Variants in TMEM232 observed in about 807,000 individuals in gnomAD.
TMEM232 encodes transmembrane protein 232.
A neutral mutation model predicts 78.8 loss-of-function variants in TMEM232; 80 were observed. That is an observed-to-expected ratio of 1.01 (90% CI 0.85 to 1.22). The LOEUF (loss-of-function observed/expected upper bound fraction) is 1.22, where lower values mean the gene tolerates loss of function less well. Ranked by LOEUF, TMEM232 falls within the 50% of genes most tolerant of loss-of-function variation. TMEM232 has a pLI of 0.00. For missense variants in TMEM232, 881 were observed against 742.2 expected, an observed-to-expected ratio of 1.19 and a Z score of -2.17; for synonymous variants, 297 against 254.3, an observed-to-expected ratio of 1.17 and a Z score of -1.60.
At chr5:110,424,733 A>T in intron 13 of TMEM232, 90 bp downstream of exon 13, 1 of 997,184 alleles carries the variant, frequency 1.0e-6, no homozygotes, top group Non-Finnish European at 1.5e-6. Context: ...TTCACATATT[A>T]AGGTTTCAGT....
At chr5:110,443,227 T>C (rs550281669) in intron 12 of TMEM232, among the ~76,000 whole-genome samples, 24 of 152,272 alleles carry the variant, frequency 1.6e-4, no homozygotes, top group African/African-American at 5.8e-4. Context: ...AGCCAGGGAT[T>C]GCAGCAAAAA....
At chr5:110,675,476 C>T (rs1465813152) in intron 1 of TMEM232, among the ~76,000 whole-genome samples, 3 of 152,054 alleles carry the variant, frequency 2.0e-5, no homozygotes, top group South Asian at 2.1e-4. Flanking sequence ...AGCCAAATAA[C>T]GACAAAGACG....
chr5:110,433,587 C>G (rs1227369687), intron 12 of TMEM232, among the ~76,000 whole-genome samples: 1 of 151,704 alleles, frequency 6.6e-6, no homozygotes. Flanking sequence ...AAACCCAATT[C>G]TGTTTAGGAT....
intron 11 of TMEM232, among the ~76,000 whole-genome samples, chr5:110,543,774 C>G (rs918299842): frequency 1.3e-5 from 2 of 152,136 alleles, no homozygotes; most frequent in Admixed American, 6.6e-5. Context: ...CAGGAAGACT[C>G]TACCTAACCT....
intron 12 of TMEM232, among the ~76,000 whole-genome samples, chr5:110,450,408 A>C (rs1278876221): frequency 6.6e-6 from 1 of 151,798 alleles, no homozygotes; most frequent in Non-Finnish European, 1.5e-5. Context: ...TCCAGGTTTC[A>C]TCTCTCTCAC....
At chr5:110,632,796 C>T (rs1426166030) in intron 5 of TMEM232, among the ~76,000 whole-genome samples, 1 of 151,992 alleles carries the variant, frequency 6.6e-6, no homozygotes, top group Non-Finnish European at 1.5e-5. Flanking sequence ...ATTGGTATCC[C>T]TAAAGGAGAA....
chr5:110,598,632 C>T (rs113652186), intron 10 of TMEM232, among the ~76,000 whole-genome samples: 1,936 of 151,944 alleles, frequency 0.013, 13 homozygotes, highest in Middle Eastern at 0.024. Flanking sequence ...CAATGATAGA[C>T]TGGATTAAGA....
chr5:110,666,515 G>A (rs1790610976), intron 2 of TMEM232: 1 of 151,956 alleles, frequency 6.6e-6, no homozygotes, highest in South Asian at 2.1e-4. Flanking sequence ...ATCTAGTCAT[G>A]GTTTGTATAT....
intron 12 of TMEM232, among the ~76,000 whole-genome samples, chr5:110,452,296 C>T (rs13182009): frequency 0.11 from 17,330 of 152,006 alleles, 1,384 homozygotes; most frequent in African/African-American, 0.22. Flanking sequence ...TTTTTGTCTA[C>T]CTGGTTGGTT....
chr5:110,496,623 C>A (rs951422895), intron 12 of TMEM232, among the ~76,000 whole-genome samples: 5 of 151,960 alleles, frequency 3.3e-5, no homozygotes, highest in African/African-American at 1.2e-4. Context: ...TGAGAGGACA[C>A]ATGCGGTTCT....
chr5:110,505,489 C>A (rs1311988451), intron 12 of TMEM232, among the ~76,000 whole-genome samples: 1 of 152,084 alleles, frequency 6.6e-6, no homozygotes, highest in African/African-American at 2.4e-5. Flanking sequence ...GTCCGAAATA[C>A]ACATTGTTTT....
intron 10 of TMEM232, 61 bp from the exon 11 acceptor site, chr5:110,568,686 T>A (rs1014504849): frequency 9.8e-5 from 142 of 1,450,894 alleles, no homozygotes; most frequent in Non-Finnish European, 1.3e-4. Flanking sequence ...AAAGTATGAT[T>A]GTGTGAAACA....
intron 4 of TMEM232, among the ~76,000 whole-genome samples, chr5:110,389,543 G>T (rs1045281302): frequency 1.3e-5 from 2 of 152,192 alleles, no homozygotes; most frequent in Admixed American, 1.3e-4. Flanking sequence ...AAAAATTTGT[G>T]TTGAAATCAA....
At chr5:110,581,840 A>G (rs1314708368) in intron 10 of TMEM232, among the ~76,000 whole-genome samples, 2 of 151,912 alleles carry the variant, frequency 1.3e-5, no homozygotes, top group East Asian at 3.9e-4. Context: ...ATTAAAAAAA[A>G]TGGGCAAGGA....
chr5:110,457,472 A>G (rs1761029054), intron 12 of TMEM232, among the ~76,000 whole-genome samples: 1 of 152,164 alleles, frequency 6.6e-6, no homozygotes, highest in Non-Finnish European at 1.5e-5. Context: ...ACACATACTT[A>G]CCATATAATC....
chr5:110,490,218 TC>T (rs2149417002), intron 12 of TMEM232, among the ~76,000 whole-genome samples: 1 of 151,970 alleles, frequency 6.6e-6, no homozygotes, highest in South Asian at 2.1e-4. Flanking sequence ...CTATACACTA[TC>T]AATCACTATC....
intron 12 of TMEM232, among the ~76,000 whole-genome samples, chr5:110,526,025 CAAA>C (rs758110596): frequency 6.3e-5 from 3 of 47,810 alleles, no homozygotes; most frequent in Non-Finnish European, 1.2e-4. Flanking sequence ...CACCATACAC[CAAA>C]AAAAAAAAAA....
intron 10 of TMEM232, among the ~76,000 whole-genome samples, chr5:110,596,395 C>A (rs1303392036): frequency 5.3e-5 from 8 of 152,110 alleles, no homozygotes; most frequent in Non-Finnish European, 1.0e-4. Flanking sequence ...CAAAAAGAGT[C>A]CAGGACCAGA....
chr5:110,723,346 G>A (rs575657674), intron 1 of TMEM232, among the ~76,000 whole-genome samples: 2 of 152,244 alleles, frequency 1.3e-5, no homozygotes, highest in African/African-American at 4.8e-5. Flanking sequence ...TAAGAGACAG[G>A]TGGGGCTGTG....
Sources: allele counts gnomAD v4.1 joint callset (sites outside exome capture counted in the v4.1 genomes callset), GRCh38; gene constraint gnomAD v4.1.1; transcripts MANE v1.5; gene names NCBI Gene and HGNC (gene_info 2026-07-23, HGNC 2026-07-21).